Variants in PNPLA7 observed in about 807,000 individuals in gnomAD.
PNPLA7 encodes patatin like domain 7, lysophospholipase.
PNPLA7 carries 153 observed loss-of-function variants against 161.7 expected under a neutral mutation model. The ratio of observed to expected loss-of-function variants is 0.95; its 90% CI spans 0.83 to 1.08. The LOEUF (loss-of-function observed/expected upper bound fraction) is 1.08. Among genes scored for constraint, PNPLA7 ranks in the 50% least tolerant of loss-of-function variants. The probability of loss-of-function intolerance (pLI) is 0.00; values close to 1 mark genes in which losing one functional copy is unlikely to be tolerated. For synonymous variants in PNPLA7, 809 were observed against 782.1 expected (o/e 1.03, Z -0.57); for missense variants, 1,739 against 1,856.6 (o/e 0.94, Z 1.16).
In PNPLA7 at chr9:137,500,882, C is replaced by G. The variant is rs142068663; in HGVS notation, c.1566G>C (p.Leu522=). The G allele has an allele frequency of 4.3e-4, 673 of 1,575,140 alleles. 1 individual carries two copies. Among genetic ancestry groups the G allele is most frequent in the Non-Finnish European group, 5.2e-4 (601 of 1,164,046 alleles). Residue 522 remains leucine, a synonymous_variant, in exon 16 of 35, where the codon CTG becomes CTC. Transcript: ENST00000406427. The surrounding 1 kb of genome is among the most constrained non-coding windows in gnomAD (Gnocchi z 5.5). ...CGTGCAGCAGCCCCGAGACCACGAA[C>G]AGGATGCTGGCGTCCTGACACACGA... The part of the protein sequence containing the change: ...SRQGDQDASI[L]FVVSGLLHVY...
At position 137,547,315 on chromosome 9, in the gene PNPLA7, G is replaced by A. The variant is rs1564375046; in HGVS notation, c.187C>T (p.Gln63Ter). 2 of 1,613,458 alleles carry A rather than the reference G, an allele frequency of 1.2e-6. No individual in the cohort carries two copies. The highest frequency in any genetic ancestry group is 1.7e-6 in the Non-Finnish European group (2 of 1,179,924). ...LILFMFRRLRQFRQAQPTPQY... is the reference protein window; with the variant it reads ...LILFMFRRLR ...TCGGAACCAAGATACTCACGAAATT[G>A]TCTAAGCCTTCTGAACATGAAAAGG... Residue 63 changes from glutamine to a stop codon, truncating the protein, a stop_gained, in exon 3 of 35, where the codon CAA becomes TAA. Transcript: ENST00000406427. LOFTEE classifies it high-confidence loss of function. This position sits in a 1 kb window ranked among gnomAD's most constrained non-coding sequence, Gnocchi z 4.6.
chr9:137,483,304 T>C (rs1470121640), intron 21 of PNPLA7, among the ~76,000 whole-genome samples: 1 of 152,230 alleles, frequency 6.6e-6, no homozygotes, highest in Non-Finnish European at 1.5e-5. Context: ...AAGATGTTTT[T>C]GGACATACCT....
intron 17 of PNPLA7, among the ~76,000 whole-genome samples, chr9:137,497,895 G>A (rs1833151021): frequency 1.3e-5 from 2 of 152,244 alleles, no homozygotes; most frequent in African/African-American, 4.8e-5. Context: ...CATAGAACAT[G>A]GACTATGTCC....
intron 12 of PNPLA7, among the ~76,000 whole-genome samples, chr9:137,506,534 C>T (rs75408207): frequency 2.5e-4 from 38 of 152,262 alleles, no homozygotes; most frequent in African/African-American, 9.1e-4. Flanking sequence ...TGCCCTGGGC[C>T]GTCACGCTGG....
chr9:137,521,060 G>C (rs1834965009), intron 10 of PNPLA7, among the ~76,000 whole-genome samples: 1 of 151,134 alleles, frequency 6.6e-6, no homozygotes, highest in Admixed American at 6.6e-5. Context: ...CTGGACCGTG[G>C]CCATAGGGAC....
At chr9:137,463,366 GA>G (rs1831308637) in intron 29 of PNPLA7, 48 bp downstream of exon 29, 7 of 1,501,834 alleles carry the variant, frequency 4.7e-6, no homozygotes, top group Non-Finnish European at 6.4e-6. Context: ...GGGGCGGCGT[GA>G]CCCAGGAGCC....
At chr9:137,491,462 T>C (rs1588587299) in intron 20 of PNPLA7, 1 of 985,046 alleles carries the variant, frequency 1.0e-6, no homozygotes, top group Non-Finnish European at 1.2e-6. Context: ...GAAACTCACT[T>C]CAAAACTCAC....
intron 19 of PNPLA7, among the ~76,000 whole-genome samples, chr9:137,494,332 A>G (rs1045580140): frequency 6.6e-6 from 1 of 151,880 alleles, no homozygotes; most frequent in Non-Finnish European, 1.5e-5. Flanking sequence ...ATGAGTAGAG[A>G]GGCCACCAAG....
At chr9:137,492,934 G>T in intron 20 of PNPLA7, 79 bp downstream of exon 20, 3 of 1,313,228 alleles carry the variant, frequency 2.3e-6, no homozygotes, top group East Asian at 2.4e-5. Context: ...TGGGAGGGCG[G>T]GGCCATGGGC....
intron 26 of PNPLA7, among the ~76,000 whole-genome samples, chr9:137,466,415 G>C (rs539250337): frequency 6.7e-6 from 1 of 149,930 alleles, no homozygotes; most frequent in African/African-American, 2.5e-5. Context: ...TCAGACCCGG[G>C]CACGGATCAA....
chr9:137,549,435 TGGTG>T (rs1313864591), intron 1 of PNPLA7, among the ~76,000 whole-genome samples: 1 of 151,614 alleles, frequency 6.6e-6, no homozygotes, highest in Non-Finnish European at 1.5e-5. Context: ...CCGGGCGTGG[TGGTG>T]GGCGCCTGTA....
intron 8 of PNPLA7, among the ~76,000 whole-genome samples, chr9:137,525,979 C>T (rs1588682855): frequency 2.0e-5 from 3 of 148,918 alleles, no homozygotes; most frequent in South Asian, 2.2e-4. Flanking sequence ...CTCTGTATGG[C>T]CTGGTTTTTC....
chr9:137,546,933 C>G (rs765767581), intron 3 of PNPLA7, 24 bp from the exon 4 acceptor site: 13 of 1,611,060 alleles, frequency 8.1e-6, no homozygotes, highest in Non-Finnish European at 1.0e-5. Context: ...AAGGGATGGC[C>G]TGAGGTAGAG....
Position 137,543,874 on chromosome 9 carries a change from T to A in PNPLA7, c.274-59A>T. On this transcript the variant is annotated intron_variant, in intron 4 of 34. Transcript: ENST00000406427. This position sits in a 1 kb window ranked among gnomAD's most constrained non-coding sequence, Gnocchi z 6.9. ...CTGCAAGCCGCAAGGTCCAAGCTCT[T>A]TGCCATGGGGATCAGTCCTCAGGAC... The A allele has an allele frequency of 6.9e-7, 1 of 1,445,126 alleles. No individual in the cohort carries two copies. The highest frequency in any genetic ancestry group is 1.1e-5 in the South Asian group (1 of 87,388). 89.5% of individuals were successfully genotyped at this position (1,445,126 alleles called of 1,614,324 possible).
At chr9:137,509,711 A>G (rs1588641072) in intron 12 of PNPLA7, 1 of 455,170 alleles carries the variant, frequency 2.2e-6, no homozygotes. Context: ...TGCACAGCAC[A>G]GGCATGGAGC....
In PNPLA7 at chr9:137,464,185, A is replaced by C; in HGVS notation, c.3167T>G (p.Ile1056Ser). The C allele has an allele frequency of 1.2e-6, 2 of 1,613,728 alleles. No individual in the cohort carries two copies. The highest frequency in any genetic ancestry group is 1.6e-4 in the Middle Eastern group (1 of 6,062). ...FKDQQIEDLW[I>S]PYFAITTDIT... ...GTCGGTGGTGATGGCGAAATAAGGA[A>C]TCCACAGGTCCTGCGGGCGGACGGG... The change falls in exon 28 of 35, where the codon ATT (isoleucine) becomes AGT (serine). Residue 1056 changes from isoleucine to serine, a missense_variant. Physicochemically the swap from Ile to Ser is moderately radical, Grantham distance 142. This residue lies in a region of PNPLA7 where 703 missense variants were observed against 694.6 expected (regional missense o/e 1.01). Coordinates refer to ENST00000406427, the MANE Select transcript of PNPLA7 (RefSeq NM_001098537.3).
chr9:137,484,107 C>A (rs942735342), intron 21 of PNPLA7, among the ~76,000 whole-genome samples: 4 of 151,688 alleles, frequency 2.6e-5, no homozygotes, highest in Non-Finnish European at 5.9e-5. Flanking sequence ...AGCTAATTTT[C>A]GTATTTCTAG....
chr9:137,540,535 T>C lies in PNPLA7; in HGVS notation c.747+107A>G. 2 of 993,062 alleles carry C rather than the reference T, an allele frequency of 2.0e-6. No individual in the cohort carries two copies. The highest frequency in any genetic ancestry group is 2.8e-5 in the South Asian group (2 of 71,202). The allele number at this position is 993,062 out of a possible 1,614,324, so 61.5% of individuals were successfully genotyped here. ...AAACCCTGCTCCCCTCACATCACTG[T>C]GGAGAACTGGCCTTTAACCACTACC... On this transcript the variant is annotated intron_variant, in intron 8 of 34. Transcript: ENST00000406427. The surrounding 1 kb of genome is among the most constrained non-coding windows in gnomAD (Gnocchi z 5.1).
intron 1 of PNPLA7, among the ~76,000 whole-genome samples, chr9:137,549,249 G>A (rs1468849941): frequency 1.3e-5 from 2 of 152,184 alleles, no homozygotes; most frequent in South Asian, 2.1e-4. Context: ...TTGGGAGGCC[G>A]AGGCGGGCAG....
Sources: gnomAD v4.1 joint callset for allele counts (sites outside exome capture counted in the v4.1 genomes callset) on GRCh38, gnomAD v4.1.1 for gene constraint, gnomAD v4.1.1 regional missense constraint, Gnocchi (gnomAD v3.1) non-coding constraint, MANE v1.5 for transcripts, NCBI Gene and HGNC (gene_info 2026-07-23, HGNC 2026-07-21) for gene names.